KALRN: variants seen among roughly 807,000 people sequenced by gnomAD.
KALRN encodes the protein kalirin RhoGEF kinase, also known as kalirin.
Under a neutral mutation model 353.7 loss-of-function variants are expected in KALRN, and 70 were observed. The observed-to-expected ratio is 0.20, with a 90% CI of 0.16 to 0.24. The LOEUF (loss-of-function observed/expected upper bound fraction) is 0.24, where lower values mean the gene tolerates loss of function less well. Among genes scored for constraint, KALRN ranks in the 10% least tolerant of loss-of-function variants. The probability of loss-of-function intolerance (pLI) is 1.00; values close to 1 mark genes in which losing one functional copy is unlikely to be tolerated. For missense variants in KALRN, 2,791 were observed against 3,756.7 expected, an observed-to-expected ratio of 0.74 and a Z score of 6.72; for synonymous variants, 1,391 against 1,434.8, an observed-to-expected ratio of 0.97 and a Z score of 0.69.
chr3:124,712,715 G>A (rs1484203148), intron 57 of KALRN, among the ~76,000 whole-genome samples: 7 of 145,638 alleles, frequency 4.8e-5, no homozygotes, highest in Non-Finnish European at 7.5e-5. Flanking sequence ...AATGTAATTA[G>A]ATTATATATA....
intron 37 of KALRN, among the ~76,000 whole-genome samples, chr3:124,643,773 A>AT (rs201288332): frequency 0.021 from 3,152 of 152,184 alleles, 49 homozygotes; most frequent in Non-Finnish European, 0.027. Flanking sequence ...GCCATATGTT[A>AT]TTTTTTTACA....
intron 1 of KALRN, among the ~76,000 whole-genome samples, chr3:124,189,793 G>T (rs2074678274): frequency 6.6e-6 from 1 of 152,132 alleles, no homozygotes; most frequent in Non-Finnish European, 1.5e-5. Context: ...ACAAAAATTA[G>T]CTGGGTGTGG....
At chr3:124,591,718 A>G (rs1369631930) in intron 34 of KALRN, among the ~76,000 whole-genome samples, 1 of 152,236 alleles carries the variant, frequency 6.6e-6, no homozygotes, top group Non-Finnish European at 1.5e-5. Context: ...AGTAATTGTA[A>G]TACTAGACAT....
In KALRN at chr3:124,699,940, G is replaced by T; in HGVS notation, c.7903G>T (p.Gly2635Trp). The change falls in exon 56 of 60, where the codon GGG (glycine) becomes TGG (tryptophan). Residue 2635 changes from glycine (G) to tryptophan (W), a missense_variant. Physicochemically the swap from Gly to Trp is radical, Grantham distance 184. This residue lies in a region of KALRN where 1,065 missense variants were observed against 1,156.4 expected (regional missense o/e 0.92). Coordinates refer to ENST00000682506, the MANE Select transcript of KALRN (RefSeq NM_001388419.1). ...TYLVIEDLSP[G>W]CPYQFRVSAS... ...CCTCGTCATCGAAGACCTTAGTCCCGGGTGTCCTTATCAGTTCAGAGTCAG... is the reference window on the plus strand; with the variant it reads ...CCTCGTCATCGAAGACCTTAGTCCCTGGTGTCCTTATCAGTTCAGAGTCAG... 1.2e-6 allele frequency: 2 copies of T among 1,614,118 alleles called. No individual in the cohort carries two copies. Among genetic ancestry groups the T allele is most frequent in the Non-Finnish European group, 8.5e-7 (1 of 1,180,006 alleles).
intron 15 of KALRN, among the ~76,000 whole-genome samples, chr3:124,424,460 ATTG>A (rs1469608893): frequency 4.6e-5 from 7 of 151,860 alleles, no homozygotes; most frequent in Admixed American, 4.6e-4. Context: ...TAGTTATTAT[ATTG>A]TTATTTATTA....
intron 59 of KALRN, among the ~76,000 whole-genome samples, 175 bp from the exon 60 acceptor site, chr3:124,718,750 A>G (rs1016997713): frequency 3.3e-5 from 5 of 152,262 alleles, no homozygotes; most frequent in African/African-American, 1.2e-4. Flanking sequence ...GTAAGCTCAA[A>G]ATGATAGTTT....
intron 4 of KALRN, among the ~76,000 whole-genome samples, chr3:124,266,345 G>T (rs2073544167): frequency 6.6e-6 from 1 of 152,092 alleles, no homozygotes; most frequent in Non-Finnish European, 1.5e-5. Context: ...TACGTGACTG[G>T]ATAGTGGATG....
At chr3:124,108,733 G>C (rs115648157) in intron 1 of KALRN, among the ~76,000 whole-genome samples, 15 of 152,302 alleles carry the variant, frequency 9.8e-5, no homozygotes, top group Non-Finnish European at 2.1e-4. Context: ...TGAACATGTA[G>C]TATGAGCAAA....
At chr3:124,386,245 G>T (rs2088286165) in intron 11 of KALRN, among the ~76,000 whole-genome samples, 1 of 152,086 alleles carries the variant, frequency 6.6e-6, no homozygotes, top group African/African-American at 2.4e-5. Context: ...TTAATCCAGG[G>T]TTTCCTGCCT....
intron 23 of KALRN, among the ~76,000 whole-genome samples, chr3:124,457,191 T>A (rs757338044): frequency 5.3e-5 from 8 of 152,118 alleles, no homozygotes; most frequent in Non-Finnish European, 1.0e-4. Flanking sequence ...TGCCTCAGCC[T>A]CCCGAGTAGC....
In KALRN at chr3:124,437,517, C is replaced by G. The variant is rs1022275556; in HGVS notation, c.3049-1371C>G. Among the ~76,000 whole-genome samples the G allele has an allele frequency of 2.6e-5, 4 of 151,950 alleles. 1 individual carries two copies. Among genetic ancestry groups the G allele is most frequent in the Non-Finnish European group, 5.9e-5 (4 of 67,964 alleles). ...CCAGCCTGACAAACATGGTGAAACC[C>G]TGTCTCTACTAAAAATACAAAAATT... On this transcript the variant is annotated intron_variant, in intron 17 of 59. Coordinates refer to ENST00000682506, the MANE Select transcript of KALRN (RefSeq NM_001388419.1).
intron 34 of KALRN, among the ~76,000 whole-genome samples, chr3:124,604,789 C>T (rs895834344): frequency 2.6e-5 from 4 of 151,726 alleles, no homozygotes; most frequent in African/African-American, 4.8e-5. Context: ...TGCACTCAAG[C>T]GATCCTCTTG....
chr3:124,265,295 A>ATTATTTTTTTTTTTTT (rs1465968614), intron 4 of KALRN, among the ~76,000 whole-genome samples: 1 of 61,118 alleles, frequency 1.6e-5, no homozygotes, highest in Non-Finnish European at 3.5e-5. Flanking sequence ...TTAAGAAAAT[A>ATTATTTTTTTTTTTTT]TTCTTTTTTT....
chr3:124,584,557 C>T (rs1011412003), intron 34 of KALRN: 7 of 1,240,508 alleles, frequency 5.6e-6, no homozygotes, highest in African/African-American at 1.6e-5. Flanking sequence ...CATGAGGCTC[C>T]GGCCGCTGCT....
intron 1 of KALRN, among the ~76,000 whole-genome samples, chr3:124,034,619 C>T (rs781591279): frequency 6.6e-6 from 1 of 152,032 alleles, no homozygotes; most frequent in Non-Finnish European, 1.5e-5. Context: ...GCTCCTCCTG[C>T]TCCCTGGCTA....
At chr3:124,631,068 T>A (rs1285547665) in intron 34 of KALRN, among the ~76,000 whole-genome samples, 1 of 152,210 alleles carries the variant, frequency 6.6e-6, no homozygotes, top group Non-Finnish European at 1.5e-5. Context: ...CAGGCAGCAT[T>A]TGACACGCCG....
In KALRN at chr3:124,334,136, G is replaced by T. The variant is rs2080883383; in HGVS notation, c.1417-129G>T. ...CCATGGCAGCTCTGGCTGGCTAGGT[G>T]TCTGGGTATGGAATGCCTGAGATTC... On this transcript the variant is annotated intron_variant, in intron 8 of 59. Transcript: ENST00000682506. This position sits in a 1 kb window ranked among gnomAD's most constrained non-coding sequence, Gnocchi z 4.2. The T allele has an allele frequency of 1.3e-6, 1 of 775,518 alleles. No individual in the cohort carries two copies. The highest frequency in any genetic ancestry group is 1.7e-5 in the African/African-American group (1 of 58,528). The allele number at this position is 775,518 out of a possible 1,614,324, so 48.0% of individuals were successfully genotyped here.
chr3:124,171,574 G>A (rs998937852), intron 1 of KALRN, among the ~76,000 whole-genome samples: 3 of 152,036 alleles, frequency 2.0e-5, no homozygotes, highest in Non-Finnish European at 4.4e-5. Context: ...GCAAGTCATG[G>A]GCTAGTTCAG....
intron 33 of KALRN, among the ~76,000 whole-genome samples, chr3:124,520,382 C>A (rs1390917917): frequency 6.6e-6 from 1 of 152,036 alleles, no homozygotes; most frequent in African/African-American, 2.4e-5. Context: ...AAACTGGAAG[C>A]AAAAGGGAAA....
Sources: allele counts gnomAD v4.1 joint callset (sites outside exome capture counted in the v4.1 genomes callset), GRCh38; gene constraint gnomAD v4.1.1; regional missense constraint gnomAD v4.1.1; non-coding constraint Gnocchi (gnomAD v3.1); transcripts MANE v1.5; gene names NCBI Gene and HGNC (gene_info 2026-07-23, HGNC 2026-07-21).